Variants in PCDHGA2 observed in about 807,000 individuals in gnomAD.
PCDHGA2 encodes the protein protocadherin gamma subfamily A, 2.
In PCDHGA2, 40 loss-of-function variants were observed where a neutral mutation model predicts 59.2. That is an observed-to-expected ratio of 0.68 (90% CI 0.52 to 0.88). The LOEUF (loss-of-function observed/expected upper bound fraction) is 0.88. Among genes scored for constraint, PCDHGA2 ranks in the 40% least tolerant of loss-of-function variants. The pLI is 0.00. For missense variants in PCDHGA2, 1,226 were observed against 1,204.0 expected (o/e 1.02, Z -0.27); for synonymous variants, 560 against 526.0 (o/e 1.06, Z -0.89).
intron 1 of PCDHGA2, chr5:141,350,853 A>G: frequency 1.2e-6 from 2 of 1,614,078 alleles, no homozygotes; most frequent in Non-Finnish European, 1.7e-6. Context: ...AAACCTCTAG[A>G]CAGGGAACAT....
chr5:141,414,457 G>A (rs1319960665), intron 1 of PCDHGA2: 7 of 1,613,872 alleles, frequency 4.3e-6, no homozygotes, highest in Non-Finnish European at 5.9e-6. Flanking sequence ...CACAGTGACA[G>A]CCACAGATGG....
At chr5:141,384,879 C>T (rs771003299) in intron 1 of PCDHGA2, 1 of 1,613,874 alleles carries the variant, frequency 6.2e-7, no homozygotes, top group Middle Eastern at 1.6e-4. Context: ...CCGTCACACT[C>T]ACCGTGGCTG....
At chr5:141,509,599 A>G (rs964564148) in intron 3 of PCDHGA2, among the ~76,000 whole-genome samples, 6 of 152,158 alleles carry the variant, frequency 3.9e-5, no homozygotes, top group African/African-American at 1.4e-4. Context: ...CAATTCCGAG[A>G]GGCTGCATTC....
intron 1 of PCDHGA2, chr5:141,478,217 G>A: frequency 2.5e-6 from 4 of 1,614,094 alleles, no homozygotes. Flanking sequence ...TCTAATCCTG[G>A]TTTCTGTGGG....
rs61612330 is a variant in PCDHGA2 at position 141,454,796 on chromosome 5, A to ATTTTTTTTTTTTTTTT, written c.2425-39997_2425-39982dup. Among the ~76,000 whole-genome samples the ATTTTTTTTTTTTTTTT allele has an allele frequency of 1.2e-3, 96 of 77,456 alleles. 8 individuals are homozygous for ATTTTTTTTTTTTTTTT. The highest frequency in any genetic ancestry group is 2.0e-3 in the South Asian group (4 of 1,960). 50.8% of individuals were successfully genotyped at this position (77,456 alleles called of 152,430 possible). A position where few individuals can be genotyped will look rare whatever the true frequency, so the allele number is the denominator to read the frequency against. ...AAGGAAATAATCCTCCATGGTTCTA[A>ATTTTTTTTTTTTTTTT]TTTTTTTTTTTTTTTTTTTTTTTTT... On this transcript the variant is annotated intron_variant, in intron 1 of 3. Coordinates refer to ENST00000394576, the MANE Select transcript of PCDHGA2 (RefSeq NM_018915.4).
rs1449605701 is a variant in PCDHGA2 at position 141,485,191 on chromosome 5, A to C, written c.2425-9616A>C. ...CGGCAGCAATGCTCCGCAAGGTGAG[A>C]AGCTGGACAGAAATCTGGCGGTGGG... is the stretch of plus-strand genomic sequence containing the variant. On this transcript the variant is annotated intron_variant, in intron 1 of 3. Coordinates refer to ENST00000394576, the MANE Select transcript of PCDHGA2 (RefSeq NM_018915.4). This position sits in a 1 kb window ranked among gnomAD's most constrained non-coding sequence, Gnocchi z 5.7. The C allele has an allele frequency of 6.2e-7, 1 of 1,613,836 alleles. No individual in the cohort carries two copies. The highest frequency in any genetic ancestry group is 1.3e-5 in the African/African-American group (1 of 75,042).
intron 1 of PCDHGA2, chr5:141,478,344 A>G: frequency 6.2e-7 from 1 of 1,613,882 alleles, no homozygotes; most frequent in Non-Finnish European, 8.5e-7. Context: ...CCCTCCTTGC[A>G]CGCGGACGCC....
rs1756780781 is a variant in PCDHGA2, at chr5:141,338,811, A to G, written c.-161A>G. 7.3e-7 allele frequency: 1 copy of G among 1,374,678 alleles called. No individual in the cohort carries two copies. The highest frequency in any genetic ancestry group is 2.6e-5 in the East Asian group (1 of 37,748). 85.2% of individuals were successfully genotyped at this position (1,374,678 alleles called of 1,614,324 possible). A position where few individuals can be genotyped will look rare whatever the true frequency, so the allele number is the denominator to read the frequency against. ...CAAGGGGGTGGAGGTTTGGCCCTAA[A>G]GCTTCAGGACACCAAAGAAATTCAG... On this transcript the variant is annotated 5_prime_UTR_variant, in exon 1 of 4. Coordinates refer to ENST00000394576, the MANE Select transcript of PCDHGA2 (RefSeq NM_018915.4).
chr5:141,501,789 C>T (rs367954511), intron 2 of PCDHGA2, among the ~76,000 whole-genome samples: 1 of 152,262 alleles, frequency 6.6e-6, no homozygotes, highest in South Asian at 2.1e-4. Context: ...TCTCCCTCTG[C>T]TCATCTCTTA....
At chr5:141,355,688 G>A in intron 1 of PCDHGA2, 1 of 1,613,990 alleles carries the variant, frequency 6.2e-7, no homozygotes, top group Non-Finnish European at 8.5e-7. Flanking sequence ...CCGGATGTAG[G>A]TGTAAACTCC....
chr5:141,349,519 G>A (rs1036044358), intron 1 of PCDHGA2, among the ~76,000 whole-genome samples: 37 of 152,042 alleles, frequency 2.4e-4, no homozygotes, highest in Non-Finnish European at 5.1e-4. Flanking sequence ...TACTTAACTG[G>A]AAAGATTATC....
intron 1 of PCDHGA2, chr5:141,414,883 G>T: frequency 6.2e-7 from 1 of 1,614,176 alleles, no homozygotes; most frequent in Non-Finnish European, 8.5e-7. Context: ...CCTGTACCCC[G>T]CCCTCCCCAC....
rs762881601 is a variant in PCDHGA2, at chr5:141,392,998, A to ACGGAGTC, written c.2424+51606_2424+51612dup. 1.9e-6 allele frequency: 3 copies of ACGGAGTC among 1,613,876 alleles called. No individual in the cohort carries two copies. In the East Asian group the frequency reaches 6.7e-5, roughly 36 times the overall value. On this transcript the variant is annotated intron_variant, in intron 1 of 3. Transcript: ENST00000394576. ...CTGGACCCCCGGAAGCTGGCGAAGCACGGAGTCCGTATCGTCTCCAGAGGT... is the reference window on the plus strand; with the variant it reads ...CTGGACCCCCGGAAGCTGGCGAAGCACGGAGTCCGGAGTCCGTATCGTCTCCAGAGGT...
chr5:141,355,945 G>T (rs372381838), intron 1 of PCDHGA2: 3 of 1,613,848 alleles, frequency 1.9e-6, no homozygotes, highest in East Asian at 2.2e-5. Flanking sequence ...CGAGTACCAC[G>T]TAAGTGTTCG....
At chr5:141,360,220 C>T in intron 1 of PCDHGA2, 1 of 1,613,660 alleles carries the variant, frequency 6.2e-7, no homozygotes, top group Non-Finnish European at 8.5e-7. Context: ...CCCCGGGGCT[C>T]TCCCAGTCCA....
intron 1 of PCDHGA2, chr5:141,393,413 G>C: frequency 6.2e-7 from 1 of 1,614,046 alleles, no homozygotes; most frequent in Non-Finnish European, 8.5e-7. Flanking sequence ...AGCGCGCCCT[G>C]GACAGGGAGG....
intron 1 of PCDHGA2, chr5:141,420,078 C>T (rs764695314): frequency 6.2e-7 from 1 of 1,614,008 alleles, no homozygotes; most frequent in Non-Finnish European, 8.5e-7. Context: ...CCTGTGGGTC[C>T]CCCCAACTAC....
intron 1 of PCDHGA2, chr5:141,383,629 C>T (rs769030453): frequency 6.2e-7 from 1 of 1,613,960 alleles, no homozygotes; most frequent in South Asian, 1.1e-5. Context: ...TGTCTTCTCT[C>T]TGCCTCAGTA....
intron 1 of PCDHGA2, chr5:141,410,448 C>T: frequency 6.2e-7 from 1 of 1,614,006 alleles, no homozygotes; most frequent in Non-Finnish European, 8.5e-7. Context: ...GGGACTTTGC[C>T]TTATTCTTAT....
Sources: allele counts gnomAD v4.1 joint callset (sites outside exome capture counted in the v4.1 genomes callset), GRCh38; gene constraint gnomAD v4.1.1; non-coding constraint Gnocchi (gnomAD v3.1); transcripts MANE v1.5; gene names NCBI Gene and HGNC (gene_info 2026-07-23, HGNC 2026-07-21).